CA10: variants seen among roughly 807,000 people sequenced by gnomAD.
CA10 encodes carbonic anhydrase-related protein 10.
A neutral mutation model predicts 44.2 loss-of-function variants in CA10; 14 were observed. The observed-to-expected ratio is 0.32, with a 90% CI of 0.21 to 0.50. The LOEUF is 0.50. Among genes scored for constraint, CA10 ranks in the 20% least tolerant of loss-of-function variants. CA10 has a pLI of 0.99. For synonymous variants in CA10, 159 were observed against 141.6 expected (o/e 1.12, Z -0.87); for missense variants, 350 against 409.7 (o/e 0.85, Z 1.26).
chr17:52,020,040 A>C (rs570877337), intron 2 of CA10, among the ~76,000 whole-genome samples: 57 of 152,060 alleles, frequency 3.7e-4, no homozygotes, highest in African/African-American at 1.2e-3. Flanking sequence ...TTCTTCACTT[A>C]GTTTTGTCAA....
chr17:51,955,444 C>G (rs1255200780), intron 2 of CA10, among the ~76,000 whole-genome samples: 1 of 152,146 alleles, frequency 6.6e-6, no homozygotes, highest in Non-Finnish European at 1.5e-5. Flanking sequence ...CTCCACTTCT[C>G]CAGGTAACTC....
At chr17:51,908,527 G>C (rs2143945654) in intron 3 of CA10, among the ~76,000 whole-genome samples, 1 of 152,260 alleles carries the variant, frequency 6.6e-6, no homozygotes, top group East Asian at 1.9e-4. Flanking sequence ...ATTTGATTTT[G>C]TTAAGAAGCC....
chr17:51,760,454 G>T (rs1278208259), intron 3 of CA10, among the ~76,000 whole-genome samples: 1 of 152,164 alleles, frequency 6.6e-6, no homozygotes, highest in Non-Finnish European at 1.5e-5. Flanking sequence ...TGACAGCAGG[G>T]AGCGGTGGAG....
intron 4 of CA10, among the ~76,000 whole-genome samples, chr17:51,679,465 G>A (rs1222985769): frequency 6.6e-6 from 1 of 151,772 alleles, no homozygotes; most frequent in South Asian, 2.1e-4. Flanking sequence ...GTTTCACCGT[G>A]TTAGCCAGGA....
intron 3 of CA10, among the ~76,000 whole-genome samples, chr17:51,927,993 T>C (rs1030314537): frequency 1.3e-5 from 2 of 152,176 alleles, no homozygotes; most frequent in African/African-American, 2.4e-5. Context: ...TATATCTACA[T>C]ACAACCCAGC....
At chr17:51,695,444 G>C (rs1915368924) in intron 4 of CA10, among the ~76,000 whole-genome samples, 1 of 152,054 alleles carries the variant, frequency 6.6e-6, no homozygotes, top group Non-Finnish European at 1.5e-5. Flanking sequence ...TTGTAAGAGG[G>C]ATTGTGTTCT....
intron 1 of CA10, among the ~76,000 whole-genome samples, chr17:52,098,636 T>C (rs1029922282): frequency 1.3e-5 from 2 of 152,190 alleles, no homozygotes; most frequent in African/African-American, 4.8e-5. Context: ...TTTATGGAGA[T>C]ATGTTTTTGT....
intron 2 of CA10, among the ~76,000 whole-genome samples, chr17:52,041,234 C>T (rs1986760980): frequency 6.6e-6 from 1 of 151,972 alleles, no homozygotes; most frequent in Admixed American, 6.6e-5. Flanking sequence ...TTCAAAATGG[C>T]AAGACATACA....
intron 4 of CA10, among the ~76,000 whole-genome samples, chr17:51,706,038 C>G (rs549238709): frequency 5.3e-5 from 8 of 152,308 alleles, no homozygotes; most frequent in African/African-American, 1.9e-4. Flanking sequence ...GAATGTCAGA[C>G]AGGTCTGGTT....
intron 4 of CA10, among the ~76,000 whole-genome samples, chr17:51,664,657 A>G (rs1360313295): frequency 2.6e-5 from 4 of 151,998 alleles, no homozygotes; most frequent in Non-Finnish European, 4.4e-5. Context: ...GACAGCTTCT[A>G]GATGATCATG....
At chr17:51,973,486 T>G (rs954940388) in intron 2 of CA10, among the ~76,000 whole-genome samples, 3 of 152,188 alleles carry the variant, frequency 2.0e-5, no homozygotes, top group African/African-American at 4.8e-5. Flanking sequence ...CTTTGTGAGG[T>G]CTAGCAGAGA....
chr17:51,705,282 T>A (rs929715511), intron 4 of CA10, among the ~76,000 whole-genome samples: 2 of 152,172 alleles, frequency 1.3e-5, no homozygotes, highest in Non-Finnish European at 2.9e-5. Flanking sequence ...CAGGGACACT[T>A]TCTCTCACCT....
At chr17:52,146,297 C>T (rs1045984153) in intron 1 of CA10, among the ~76,000 whole-genome samples, 5 of 152,118 alleles carry the variant, frequency 3.3e-5, no homozygotes, top group Admixed American at 6.5e-5. Context: ...CTTTGGTTCA[C>T]GCCTGTAATC....
chr17:51,814,320 C>CATTT (rs1567848410), intron 3 of CA10, among the ~76,000 whole-genome samples: 1 of 152,152 alleles, frequency 6.6e-6, no homozygotes, highest in African/African-American at 2.4e-5. Flanking sequence ...TCTGGAAGGT[C>CATTT]GCTAAGGCAA....
At chr17:51,744,680 T>C (rs61006541) in intron 4 of CA10, among the ~76,000 whole-genome samples, 42 of 152,250 alleles carry the variant, frequency 2.8e-4, no homozygotes, top group African/African-American at 1.0e-3. Flanking sequence ...AGAGGCAAAC[T>C]CATTTCATCA....
At chr17:52,150,044 T>C (rs1324451615) in intron 1 of CA10, among the ~76,000 whole-genome samples, 4 of 152,188 alleles carry the variant, frequency 2.6e-5, no homozygotes, top group African/African-American at 9.6e-5. Context: ...ACCTCATCCA[T>C]CACACTACAC....
chr17:51,956,740 A>T (rs948514748), intron 2 of CA10, among the ~76,000 whole-genome samples: 1 of 152,124 alleles, frequency 6.6e-6, no homozygotes, highest in East Asian at 1.9e-4. Flanking sequence ...CAGTGGTGAG[A>T]GGCTTCCTGT....
At chr17:52,146,265 A>ACC in intron 1 of CA10, among the ~76,000 whole-genome samples, 1 of 152,104 alleles carries the variant, frequency 6.6e-6, no homozygotes, top group African/African-American at 2.4e-5. Context: ...TAAAAAAAAA[A>ACC]TAAGATGTGG....
chr17:51,823,351 T>TA (rs566556947), intron 3 of CA10, among the ~76,000 whole-genome samples: 2 of 152,298 alleles, frequency 1.3e-5, no homozygotes, highest in South Asian at 2.1e-4. Flanking sequence ...GGAGCAGCCC[T>TA]CCAGTTCCAG....
Sources: gnomAD v4.1 joint callset for allele counts (sites outside exome capture counted in the v4.1 genomes callset) on GRCh38, gnomAD v4.1.1 for gene constraint, MANE v1.5 for transcripts, NCBI Gene and HGNC (gene_info 2026-07-23, HGNC 2026-07-21) for gene names.